Variants in CDH12 observed in about 807,000 individuals in gnomAD.
CDH12 encodes the protein cadherin-12.
In CDH12, 41 loss-of-function variants were observed where a neutral mutation model predicts 74.1. The observed-to-expected ratio is 0.55, with a 90% CI of 0.43 to 0.72. CDH12 has a LOEUF of 0.72. Ranked by LOEUF, CDH12 falls within the 30% of genes least tolerant of loss-of-function variation. The pLI is 0.00. For missense variants in CDH12, 945 were observed against 977.2 expected (o/e 0.97, Z 0.44); for synonymous variants, 399 against 355.0 (o/e 1.12, Z -1.39).
At chr5:22,480,833 A>C (rs909120463) in intron 2 of CDH12, among the ~76,000 whole-genome samples, 2 of 152,178 alleles carry the variant, frequency 1.3e-5, no homozygotes, top group Non-Finnish European at 2.9e-5. Context: ...TTAAAAGTTT[A>C]TTCTTCATCA....
intron 13 of CDH12, 117 bp downstream of exon 13, chr5:21,760,441 G>A (rs1744653298): frequency 1.2e-5 from 8 of 668,652 alleles, no homozygotes; most frequent in Non-Finnish European, 2.2e-5. Flanking sequence ...CCTTTCTCAT[G>A]TAAGGATCTC....
intron 3 of CDH12, among the ~76,000 whole-genome samples, chr5:22,317,483 A>G (rs1033788904): frequency 5.3e-5 from 8 of 152,174 alleles, no homozygotes; most frequent in African/African-American, 1.9e-4. Context: ...ATATGTATTT[A>G]AAGAGATTAT....
chr5:22,347,174 T>A (rs1740151638), intron 3 of CDH12, among the ~76,000 whole-genome samples: 1 of 152,186 alleles, frequency 6.6e-6, no homozygotes, highest in African/African-American at 2.4e-5. Context: ...AAAATATTGT[T>A]CCTGGGTGTG....
At chr5:21,830,248 C>G (rs1417970393) in intron 8 of CDH12, among the ~76,000 whole-genome samples, 1 of 135,796 alleles carries the variant, frequency 7.4e-6, no homozygotes, top group African/African-American at 2.7e-5. Context: ...TTCTTTGACT[C>G]TCACTTCTCT....
intron 6 of CDH12, among the ~76,000 whole-genome samples, chr5:21,936,162 C>T (rs1279683314): frequency 1.3e-5 from 2 of 152,034 alleles, no homozygotes; most frequent in Admixed American, 6.6e-5. Context: ...TTTGAGAAAC[C>T]TCCAGACTGT....
At chr5:21,965,583 CT>C (rs1756544420) in intron 6 of CDH12, among the ~76,000 whole-genome samples, 2 of 151,472 alleles carry the variant, frequency 1.3e-5, no homozygotes, top group Non-Finnish European at 2.9e-5. Context: ...ATTTGTAAAA[CT>C]GTAGACTCTG....
chr5:22,693,662 T>C lies in CDH12; in HGVS notation c.-523+159396A>G, dbSNP rs190297922. On this transcript the variant is annotated intron_variant, in intron 1 of 14. Transcript: ENST00000382254. ...CAGAGATAATGTATATACATTTCTA[T>C]GTATATGAATTATACAACATAATAT... Among the ~76,000 whole-genome samples the C allele has an allele frequency of 1.8e-3, 274 of 152,332 alleles. 3 individuals carry two copies. Among genetic ancestry groups the C allele is most frequent in the Middle Eastern group, 0.017 (5 of 294 alleles).
chr5:21,848,040 C>A (rs1029662637), intron 7 of CDH12, among the ~76,000 whole-genome samples: 3 of 152,014 alleles, frequency 2.0e-5, no homozygotes, highest in African/African-American at 7.2e-5. Flanking sequence ...ATAATGCTAG[C>A]TGAGGTAACA....
chr5:22,619,884 C>T (rs1156777859), intron 1 of CDH12, among the ~76,000 whole-genome samples: 6 of 152,032 alleles, frequency 3.9e-5, no homozygotes, highest in Non-Finnish European at 7.4e-5. Context: ...TTTTTAGTCT[C>T]AGAAACTCAG....
intron 8 of CDH12, among the ~76,000 whole-genome samples, chr5:21,840,783 C>CTGGGAAA (rs1561232261): frequency 6.6e-6 from 1 of 152,082 alleles, no homozygotes; most frequent in African/African-American, 2.4e-5. Flanking sequence ...ATAAATGGTG[C>CTGGGAAA]TGGGAAAACT....
At chr5:22,523,828 C>T (rs571398199) in intron 1 of CDH12, among the ~76,000 whole-genome samples, 1 of 152,030 alleles carries the variant, frequency 6.6e-6, no homozygotes, top group Non-Finnish European at 1.5e-5. Context: ...GGAATATATA[C>T]CCAATTTCAT....
At chr5:22,677,505 G>A (rs1006180409) in intron 1 of CDH12, among the ~76,000 whole-genome samples, 1 of 152,092 alleles carries the variant, frequency 6.6e-6, no homozygotes, top group Non-Finnish European at 1.5e-5. Context: ...ATTCATGAGA[G>A]CAGAGTCCTC....
chr5:22,787,419 C>T (rs1747693224), intron 1 of CDH12, among the ~76,000 whole-genome samples: 1 of 152,124 alleles, frequency 6.6e-6, no homozygotes, highest in South Asian at 2.1e-4. Context: ...ATATTGGTCA[C>T]ATCATCTGCA....
intron 1 of CDH12, among the ~76,000 whole-genome samples, chr5:22,739,026 A>G (rs951347236): frequency 1.3e-5 from 2 of 152,092 alleles, no homozygotes; most frequent in African/African-American, 2.4e-5. Context: ...AACATGAAAA[A>G]CTATACATTA....
At chr5:22,217,740 T>G (rs1047603610) in intron 3 of CDH12, among the ~76,000 whole-genome samples, 1 of 151,722 alleles carries the variant, frequency 6.6e-6, no homozygotes, top group Non-Finnish European at 1.5e-5. Flanking sequence ...GCAATGATTT[T>G]AAAATGCCAT....
chr5:22,533,463 A>T (rs1226822779), intron 1 of CDH12, among the ~76,000 whole-genome samples: 1 of 152,210 alleles, frequency 6.6e-6, no homozygotes, highest in Non-Finnish European at 1.5e-5. Context: ...TCTATATAAG[A>T]AGGTCTTAGA....
At chr5:21,979,091 T>G (rs945290084) in intron 5 of CDH12, among the ~76,000 whole-genome samples, 1 of 151,938 alleles carries the variant, frequency 6.6e-6, no homozygotes, top group Non-Finnish European at 1.5e-5. Context: ...CACAGCCTTT[T>G]TAATCTACAC....
chr5:22,309,147 T>C (rs1219658746), intron 3 of CDH12, among the ~76,000 whole-genome samples: 5 of 152,134 alleles, frequency 3.3e-5, no homozygotes, highest in Non-Finnish European at 5.9e-5. Flanking sequence ...TTAACTCAGC[T>C]AATATATTGA....
chr5:22,186,012 C>A (rs919241363), intron 4 of CDH12, among the ~76,000 whole-genome samples: 2 of 152,142 alleles, frequency 1.3e-5, no homozygotes, highest in African/African-American at 4.8e-5. Context: ...TTGAGTCATT[C>A]ATTTGGTTCT....
Sources: gnomAD v4.1 joint callset for allele counts (sites outside exome capture counted in the v4.1 genomes callset) on GRCh38, gnomAD v4.1.1 for gene constraint, MANE v1.5 for transcripts, NCBI Gene and HGNC (gene_info 2026-07-23, HGNC 2026-07-21) for gene names.